Variants in ADGRV1 observed in about 807,000 individuals in gnomAD.
The protein encoded by ADGRV1 is adhesion G protein-coupled receptor V1, also known as G-protein coupled receptor 98.
Under a neutral mutation model 596.2 loss-of-function variants are expected in ADGRV1, and 359 were observed. The observed-to-expected ratio is 0.60, with a 90% CI of 0.55 to 0.66. The LOEUF (loss-of-function observed/expected upper bound fraction) is 0.66. Among genes scored for constraint, ADGRV1 ranks in the 30% least tolerant of loss-of-function variants. The pLI is 0.00. For synonymous variants in ADGRV1, 2,681 were observed against 2,679.2 expected, an observed-to-expected ratio of 1.00 and a Z score of -0.02; for missense variants, 7,274 against 7,575.6, an observed-to-expected ratio of 0.96 and a Z score of 1.48.
chr5:90,710,114 C>T (rs1396845630), intron 39 of ADGRV1, among the ~76,000 whole-genome samples: 1 of 152,142 alleles, frequency 6.6e-6, no homozygotes, highest in African/African-American at 2.4e-5. Flanking sequence ...CTTTCCTGGA[C>T]AGTGTTGTTC....
At chr5:90,958,230 G>A (rs1378816494) in intron 83 of ADGRV1, among the ~76,000 whole-genome samples, 4 of 137,876 alleles carry the variant, frequency 2.9e-5, no homozygotes, top group African/African-American at 5.5e-5. Flanking sequence ...GCTGCAATGA[G>A]CCAAAATTGT....
intron 85 of ADGRV1, among the ~76,000 whole-genome samples, chr5:90,989,102 C>T (rs984600094): frequency 2.6e-4 from 39 of 152,084 alleles, no homozygotes; most frequent in South Asian, 2.1e-4. Flanking sequence ...AGTAAACATA[C>T]GTGTGCATGT....
At chr5:91,023,513 G>T (rs1050057296) in intron 85 of ADGRV1, among the ~76,000 whole-genome samples, 1 of 152,114 alleles carries the variant, frequency 6.6e-6, no homozygotes, top group Middle Eastern at 3.2e-3. Flanking sequence ...TGGTTTTTGA[G>T]TTAGGGTTTC....
At chr5:90,657,584 ATG>A (rs1158812788) in intron 20 of ADGRV1, among the ~76,000 whole-genome samples, 1 of 152,168 alleles carries the variant, frequency 6.6e-6, no homozygotes, top group East Asian at 1.9e-4. Flanking sequence ...GTGTGTATGT[ATG>A]TGTGTGTATG....
chr5:90,982,596 CCTCA>C (rs762865773), intron 84 of ADGRV1, among the ~76,000 whole-genome samples: 6 of 152,202 alleles, frequency 3.9e-5, no homozygotes, highest in Non-Finnish European at 7.3e-5. Flanking sequence ...TACAGTTAGA[CCTCA>C]CAGGGACTGT....
chr5:90,793,790 C>T (rs976457349), intron 70 of ADGRV1, among the ~76,000 whole-genome samples: 1 of 152,144 alleles, frequency 6.6e-6, no homozygotes, highest in Non-Finnish European at 1.5e-5. Context: ...TAAAGAGTGA[C>T]AAAAGTTTAC....
intron 85 of ADGRV1, among the ~76,000 whole-genome samples, chr5:91,052,961 T>G (rs1329798348): frequency 6.6e-6 from 1 of 152,206 alleles, no homozygotes; most frequent in Non-Finnish European, 1.5e-5. Flanking sequence ...TGTTAAGTTT[T>G]GATTCATTGC....
rs574939589 is a variant in ADGRV1 at position 90,703,659 on chromosome 5, T to C, written c.8156-6T>C. The C allele has an allele frequency of 1.0e-5, 16 of 1,590,160 alleles. No homozygotes were observed. The East Asian group carries it at 3.6e-4, about 36-fold the overall frequency. ...GTATTTATCAATTTACACATTTTACTTGCAGGAGAAATTTTACAATTCCAT... is the reference window on the plus strand; with the variant it reads ...GTATTTATCAATTTACACATTTTACCTGCAGGAGAAATTTTACAATTCCAT... On this transcript the variant is annotated splice_region_variant and splice_polypyrimidine_tract_variant and intron_variant, in intron 34 of 89. Transcript: ENST00000405460.
intron 86 of ADGRV1, among the ~76,000 whole-genome samples, chr5:91,082,763 A>G (rs1789512454): frequency 6.6e-6 from 1 of 152,166 alleles, no homozygotes; most frequent in Admixed American, 6.5e-5. Flanking sequence ...TTTAGTTGGT[A>G]TCAACATGGT....
chr5:90,575,583 G>A (rs987612818), intron 1 of ADGRV1, among the ~76,000 whole-genome samples: 1 of 152,100 alleles, frequency 6.6e-6, no homozygotes, highest in Non-Finnish European at 1.5e-5. Context: ...CATTTTCCAG[G>A]GGTTTCTCCT....
At chr5:91,081,867 A>G (rs1393772069) in intron 86 of ADGRV1, among the ~76,000 whole-genome samples, 3 of 152,240 alleles carry the variant, frequency 2.0e-5, no homozygotes, top group Non-Finnish European at 2.9e-5. Flanking sequence ...TGTCCTAACC[A>G]TACTTAACTA....
At chr5:91,082,391 A>G (rs930170568) in intron 86 of ADGRV1, among the ~76,000 whole-genome samples, 1 of 152,128 alleles carries the variant, frequency 6.6e-6, no homozygotes, top group Admixed American at 6.5e-5. Flanking sequence ...CCGTGGCACA[A>G]TCATAGCTCC....
chr5:90,647,866 C>CTTT, intron 17 of ADGRV1, 102 bp downstream of exon 17: 1 of 983,718 alleles, frequency 1.0e-6, no homozygotes, highest in Non-Finnish European at 1.5e-6. Context: ...GGCCTAACTA[C>CTTT]ATTTGTACTA....
intron 1 of ADGRV1, among the ~76,000 whole-genome samples, chr5:90,561,145 A>C (rs1754777946): frequency 6.6e-6 from 1 of 152,278 alleles, no homozygotes. Flanking sequence ...TGATTTGCAA[A>C]TGAAGAAACC....
chr5:91,113,529 C>T (rs1364396907), intron 87 of ADGRV1, among the ~76,000 whole-genome samples: 1 of 151,488 alleles, frequency 6.6e-6, no homozygotes. Context: ...TGAGGCCTTC[C>T]TTTACCTCCT....
intron 1 of ADGRV1, among the ~76,000 whole-genome samples, chr5:90,579,503 G>C (rs1404068032): frequency 6.6e-6 from 1 of 152,170 alleles, no homozygotes; most frequent in African/African-American, 2.4e-5. Context: ...TTTTACATTT[G>C]CTGAGGAGTG....
chr5:90,860,683 CATT>C lies in ADGRV1; in HGVS notation c.17756-3070_17756-3068del, dbSNP rs1767465889. On this transcript the variant is annotated intron_variant, in intron 82 of 89. Coordinates refer to ENST00000405460, the MANE Select transcript of ADGRV1 (RefSeq NM_032119.4). ...TAATTAAAATTGTTGCCAAAACCAT[CATT>C]ATTTTTGCACCAATCTAATACATTA... Among the ~76,000 whole-genome samples, 4 of 150,424 alleles carry C rather than the reference CATT, an allele frequency of 2.7e-5. No individual in the cohort carries two copies. The South Asian group carries it at 8.4e-4, about 31-fold the overall frequency.
intron 87 of ADGRV1, among the ~76,000 whole-genome samples, chr5:91,121,000 C>T (rs531987465): frequency 6.6e-6 from 1 of 152,052 alleles, no homozygotes; most frequent in Non-Finnish European, 1.5e-5. Context: ...ATGGTAAAAC[C>T]CCATTTCTAC....
chr5:90,897,529 G>A (rs1771447847), intron 83 of ADGRV1, among the ~76,000 whole-genome samples: 1 of 152,068 alleles, frequency 6.6e-6, no homozygotes, highest in South Asian at 2.1e-4. Context: ...ACAGTGCTTA[G>A]CACTCAACAA....
Sources: gnomAD v4.1 joint callset for allele counts (sites outside exome capture counted in the v4.1 genomes callset) on GRCh38, gnomAD v4.1.1 for gene constraint, MANE v1.5 for transcripts, NCBI Gene and HGNC (gene_info 2026-07-23, HGNC 2026-07-21) for gene names.